The following CNTNAP2 variants were observed in gnomAD, a reference collection of about 807,000 sequenced individuals.
CNTNAP2 encodes the protein contactin associated protein 2, also known as contactin-associated protein-like 2.
In CNTNAP2, 98 loss-of-function variants were observed where a neutral mutation model predicts 155.2. The ratio of observed to expected loss-of-function variants is 0.63; its 90% CI spans 0.54 to 0.75. The LOEUF (loss-of-function observed/expected upper bound fraction) is 0.75. Ranked by LOEUF, CNTNAP2 falls within the 30% of genes least tolerant of loss-of-function variation. CNTNAP2 has a pLI of 0.00. For synonymous variants in CNTNAP2, 651 were observed against 631.2 expected (o/e 1.03, Z -0.47); for missense variants, 1,727 against 1,688.1 (o/e 1.02, Z -0.40).
At chr7:147,806,874 G>A (rs1235626938) in intron 13 of CNTNAP2, among the ~76,000 whole-genome samples, 1 of 152,152 alleles carries the variant, frequency 6.6e-6, no homozygotes, top group Non-Finnish European at 1.5e-5. Flanking sequence ...GAATAAAGAG[G>A]TGATGGTTAA....
At chr7:147,826,889 C>A (rs1265630178) in intron 13 of CNTNAP2, among the ~76,000 whole-genome samples, 3 of 150,878 alleles carry the variant, frequency 2.0e-5, no homozygotes, top group African/African-American at 7.3e-5. Context: ...GAAAGAATAT[C>A]ATTAAGTGGA....
Position 147,577,582 on chromosome 7 carries a change from T to C in CNTNAP2, c.1897+15325T>C, listed in dbSNP as rs146323518. ...AAAGTCTCTCCCATGTAGAGTTTCTTCTATTGGGGTGGCAGGAGGGGGCTG... is the reference window on the plus strand; with the variant it reads ...AAAGTCTCTCCCATGTAGAGTTTCTCCTATTGGGGTGGCAGGAGGGGGCTG... On this transcript the variant is annotated intron_variant, in intron 12 of 23. Coordinates refer to ENST00000361727, the MANE Select transcript of CNTNAP2 (RefSeq NM_014141.6). Among the ~76,000 whole-genome samples the C allele has an allele frequency of 3.9e-3, 600 of 151,960 alleles. 10 individuals carry two copies. Among genetic ancestry groups the C allele is most frequent in the African/African-American group, 0.014 (562 of 41,506 alleles).
chr7:148,382,046 A>G (rs1380640790), intron 21 of CNTNAP2, among the ~76,000 whole-genome samples: 1 of 152,250 alleles, frequency 6.6e-6, no homozygotes, highest in Non-Finnish European at 1.5e-5. Flanking sequence ...AACACTGGGA[A>G]TTTTCCCCAA....
chr7:147,921,970 C>G (rs898809567), intron 14 of CNTNAP2, among the ~76,000 whole-genome samples: 1 of 152,080 alleles, frequency 6.6e-6, no homozygotes, highest in Non-Finnish European at 1.5e-5. Context: ...TCAAAGAGAA[C>G]TTGTGAATCC....
chr7:147,667,345 G>C (rs1202488779), intron 13 of CNTNAP2, among the ~76,000 whole-genome samples: 1 of 152,158 alleles, frequency 6.6e-6, no homozygotes, highest in Non-Finnish European at 1.5e-5. Context: ...TTATCCCTAA[G>C]GGGGCCAAGT....
At chr7:148,267,250 A>C in intron 21 of CNTNAP2, 124 bp downstream of exon 21, 1 of 842,404 alleles carries the variant, frequency 1.2e-6, no homozygotes. Context: ...TCTTCTCTGT[A>C]CAGGAAAGTT....
chr7:146,678,047 A>C (rs344457), intron 1 of CNTNAP2, among the ~76,000 whole-genome samples: 1 of 151,872 alleles, frequency 6.6e-6, no homozygotes, highest in South Asian at 2.1e-4. Flanking sequence ...ATTTATACAC[A>C]TATAAATGGC....
intron 3 of CNTNAP2, among the ~76,000 whole-genome samples, chr7:146,996,671 T>G (rs1227657912): frequency 6.6e-6 from 1 of 151,086 alleles, no homozygotes; most frequent in East Asian, 1.9e-4. Context: ...ATACTTTAAC[T>G]TTTTTTTTCC....
intron 11 of CNTNAP2, among the ~76,000 whole-genome samples, chr7:147,497,782 C>T (rs983967760): frequency 2.5e-4 from 38 of 152,152 alleles, no homozygotes; most frequent in African/African-American, 7.5e-4. Flanking sequence ...GATAATAAAA[C>T]CTGCATTGGG....
intron 3 of CNTNAP2, among the ~76,000 whole-genome samples, chr7:146,862,537 T>C (rs1174363295): frequency 6.6e-6 from 1 of 152,176 alleles, no homozygotes; most frequent in East Asian, 1.9e-4. Context: ...ATGCAAAATA[T>C]TCAGCCTCCT....
At chr7:147,225,189 T>C (rs1264207021) in intron 8 of CNTNAP2, among the ~76,000 whole-genome samples, 1 of 152,196 alleles carries the variant, frequency 6.6e-6, no homozygotes, top group Non-Finnish European at 1.5e-5. Context: ...CAGCACCATA[T>C]TGCTCACTAT....
At position 147,656,076 on chromosome 7, in the gene CNTNAP2, G is replaced by C. The variant is rs73472816; in HGVS notation, c.2098+16770G>C. 2.7e-3 allele frequency among the ~76,000 whole-genome samples: 413 copies of C among 152,310 alleles called. 1 individual carries two copies. Among genetic ancestry groups the C allele is most frequent in the African/African-American group, 9.3e-3 (387 of 41,556 alleles). On this transcript the variant is annotated intron_variant, in intron 13 of 23. Transcript: ENST00000361727. ...AAATCTCATGAACCAACCTCTGGTA[G>C]CTTCAAATTTTTCTTCTGCAGACTT...
chr7:148,135,598 C>A (rs1804920023), intron 16 of CNTNAP2, among the ~76,000 whole-genome samples: 1 of 151,896 alleles, frequency 6.6e-6, no homozygotes, highest in African/African-American at 2.4e-5. Context: ...CCTGTAATCC[C>A]AGCACTTTGA....
chr7:146,791,549 A>G (rs1009799835), intron 2 of CNTNAP2, among the ~76,000 whole-genome samples: 4 of 152,326 alleles, frequency 2.6e-5, no homozygotes, highest in African/African-American at 7.2e-5. Flanking sequence ...AGCACTGGGA[A>G]AGAAAACGCA....
chr7:146,913,754 G>A (rs1395640923), intron 3 of CNTNAP2, among the ~76,000 whole-genome samples: 1 of 151,264 alleles, frequency 6.6e-6, no homozygotes, highest in Non-Finnish European at 1.5e-5. Flanking sequence ...TCAACATATG[G>A]ATTCTTTTTT....
intron 2 of CNTNAP2, among the ~76,000 whole-genome samples, chr7:146,807,020 A>G (rs1032110879): frequency 1.3e-5 from 2 of 152,200 alleles, no homozygotes; most frequent in African/African-American, 4.8e-5. Flanking sequence ...TGCCCCTTAA[A>G]TGAAAAAATG....
chr7:146,821,331 C>T (rs1488949196), intron 2 of CNTNAP2, among the ~76,000 whole-genome samples: 1 of 152,068 alleles, frequency 6.6e-6, no homozygotes. Flanking sequence ...CTTAGTGCTT[C>T]CTTCAGGAGC....
At chr7:148,254,407 G>A (rs1796424694) in intron 20 of CNTNAP2, among the ~76,000 whole-genome samples, 1 of 152,136 alleles carries the variant, frequency 6.6e-6, no homozygotes, top group Non-Finnish European at 1.5e-5. Flanking sequence ...AATAAGAAAA[G>A]CCTCAATCAT....
At chr7:146,995,995 G>GTTTTGT (rs879362154) in intron 3 of CNTNAP2, among the ~76,000 whole-genome samples, 1 of 151,412 alleles carries the variant, frequency 6.6e-6, no homozygotes, top group Non-Finnish European at 1.5e-5. Context: ...GTTTTCTCCT[G>GTTTTGT]TTTTGTTTTT....
Sources: allele counts gnomAD v4.1 joint callset (sites outside exome capture counted in the v4.1 genomes callset), GRCh38; gene constraint gnomAD v4.1.1; transcripts MANE v1.5; gene names NCBI Gene and HGNC (gene_info 2026-07-23, HGNC 2026-07-21).